TSHZ2: variants seen among roughly 807,000 people sequenced by gnomAD.
TSHZ2 encodes teashirt homolog 2.
In TSHZ2, 21 loss-of-function variants were observed where a neutral mutation model predicts 74.4. The ratio of observed to expected loss-of-function variants is 0.28; its 90% CI spans 0.20 to 0.41. TSHZ2 has a LOEUF of 0.41. Among genes scored for constraint, TSHZ2 ranks in the 10% least tolerant of loss-of-function variants. The pLI, the probability that TSHZ2 is intolerant of heterozygous loss-of-function variation, is 1.00. For missense variants in TSHZ2, 1,244 were observed against 1,293.5 expected (o/e 0.96, Z 0.59); for synonymous variants, 540 against 515.3 (o/e 1.05, Z -0.65).
chr20:53,475,192 C>A (rs1337360281), intron 2 of TSHZ2, among the ~76,000 whole-genome samples: 3 of 139,210 alleles, frequency 2.2e-5, no homozygotes, highest in Non-Finnish European at 4.6e-5. Context: ...CACCCCAAAT[C>A]AACAGAATAT....
At chr20:53,043,172 A>C (rs143291421) in intron 1 of TSHZ2, among the ~76,000 whole-genome samples, 29 of 152,378 alleles carry the variant, frequency 1.9e-4, no homozygotes, top group Non-Finnish European at 1.3e-4. Context: ...TTGTGCATAA[A>C]AAAATTGCTG....
chr20:53,107,663 C>A (rs995824999), intron 1 of TSHZ2, among the ~76,000 whole-genome samples: 1 of 152,170 alleles, frequency 6.6e-6, no homozygotes, highest in Admixed American at 6.5e-5. Context: ...AATTATAGTT[C>A]ATTCCCATGT....
At chr20:53,008,507 G>A (rs1318988447) in intron 1 of TSHZ2, among the ~76,000 whole-genome samples, 1 of 151,914 alleles carries the variant, frequency 6.6e-6, no homozygotes, top group African/African-American at 2.4e-5. Context: ...AACTTTGGGG[G>A]ATTGGATATT....
chr20:53,421,071 G>A (rs1480074608), intron 2 of TSHZ2: 1 of 152,206 alleles, frequency 6.6e-6, no homozygotes, highest in Admixed American at 6.5e-5. Context: ...GTCCCGCATT[G>A]GGTCATTCAG....
intron 2 of TSHZ2, among the ~76,000 whole-genome samples, chr20:53,411,030 T>A (rs1221677805): frequency 6.6e-6 from 1 of 152,180 alleles, no homozygotes; most frequent in East Asian, 1.9e-4. Context: ...GTTCCCTGGA[T>A]CCTGCTCCTT....
intron 1 of TSHZ2, among the ~76,000 whole-genome samples, chr20:53,191,409 T>C (rs1988734832): frequency 6.6e-6 from 1 of 152,214 alleles, no homozygotes; most frequent in Non-Finnish European, 1.5e-5. Flanking sequence ...ACGCTTGTAA[T>C]CTCAGCACTT....
chr20:53,173,315 TAATA>T (rs1280651435), intron 1 of TSHZ2, among the ~76,000 whole-genome samples: 1 of 152,124 alleles, frequency 6.6e-6, no homozygotes, highest in African/African-American at 2.4e-5. Context: ...ATTTAAATAA[TAATA>T]AAGCGGAGGC....
intron 2 of TSHZ2, among the ~76,000 whole-genome samples, chr20:53,276,374 C>T (rs1188374998): frequency 6.6e-6 from 1 of 152,084 alleles, no homozygotes; most frequent in East Asian, 1.9e-4. Context: ...TGTCTGCCAG[C>T]CAACTGGAAT....
At chr20:53,343,894 G>A (rs865828983) in intron 2 of TSHZ2, among the ~76,000 whole-genome samples, 6 of 152,134 alleles carry the variant, frequency 3.9e-5, no homozygotes, top group Non-Finnish European at 7.4e-5. Flanking sequence ...GCCTATCCCC[G>A]GCTCTAGCGG....
intron 2 of TSHZ2, among the ~76,000 whole-genome samples, chr20:53,426,782 AG>A (rs1445925832): frequency 6.6e-6 from 1 of 152,244 alleles, no homozygotes; most frequent in Non-Finnish European, 1.5e-5. Flanking sequence ...AGGAAGGTGG[AG>A]GGGAAGCTCA....
chr20:53,052,877 T>A (rs992141807), intron 1 of TSHZ2, among the ~76,000 whole-genome samples: 1 of 152,236 alleles, frequency 6.6e-6, no homozygotes, highest in Non-Finnish European at 1.5e-5. Flanking sequence ...ACAGCTCTAT[T>A]GTGATACAAT....
chr20:53,480,922 T>A (rs1027072357), intron 2 of TSHZ2, among the ~76,000 whole-genome samples: 1 of 152,224 alleles, frequency 6.6e-6, no homozygotes, highest in Admixed American at 6.5e-5. Context: ...AATAATTACA[T>A]CTCTTCGCCT....
chr20:52,979,198 C>T (rs147119965), intron 1 of TSHZ2, among the ~76,000 whole-genome samples: 115 of 151,128 alleles, frequency 7.6e-4, no homozygotes, highest in African/African-American at 2.6e-3. Flanking sequence ...TTTTTTTCCT[C>T]CTACTGACCT....
At chr20:53,224,305 CTGTT>C (rs376772895) in intron 1 of TSHZ2, among the ~76,000 whole-genome samples, 206 of 152,216 alleles carry the variant, frequency 1.4e-3, no homozygotes, top group South Asian at 0.012. Flanking sequence ...ACATGAGAGA[CTGTT>C]TGAGCAATAA....
intron 1 of TSHZ2, among the ~76,000 whole-genome samples, chr20:53,221,611 G>C (rs970811298): frequency 2.0e-5 from 3 of 152,164 alleles, no homozygotes; most frequent in Non-Finnish European, 4.4e-5. Context: ...TCTGCCTTCA[G>C]ACAACACCAA....
intron 1 of TSHZ2, among the ~76,000 whole-genome samples, chr20:53,066,742 G>A (rs1985002436): frequency 6.6e-6 from 1 of 152,160 alleles, no homozygotes; most frequent in Non-Finnish European, 1.5e-5. Flanking sequence ...TGCTGAGCTC[G>A]TGATCTGCCC....
In TSHZ2 at chr20:53,256,120, T is replaced by G. The variant is rs764991981; in HGVS notation, c.2662T>G (p.Phe888Val). 6.2e-7 allele frequency: 1 copy of G among 1,614,088 alleles called. No individual in the cohort carries two copies. Among genetic ancestry groups the G allele is most frequent in the Non-Finnish European group, 8.5e-7 (1 of 1,179,954 alleles). ...ACAAGAGCGTATGCAAATCTCTAAG[T>G]TTACGGGACTCTCAATGACCACTAT... ...GPQERMQISK[F>V]TGLSMTTISH... Residue 888 changes from phenylalanine to valine, a missense_variant, in exon 2 of 3, where the codon TTT becomes GTT. Physicochemically the swap from Phe to Val is conservative, Grantham distance 50 (BLOSUM62 -1). This residue lies in a region of TSHZ2 where 185 missense variants were observed against 213.3 expected (regional missense o/e 0.87). Transcript: ENST00000371497. The surrounding 1 kb of genome is among the most constrained non-coding windows in gnomAD (Gnocchi z 4.3).
intron 1 of TSHZ2, among the ~76,000 whole-genome samples, chr20:53,019,016 C>T (rs1983139663): frequency 6.6e-6 from 1 of 152,164 alleles, no homozygotes; most frequent in African/African-American, 2.4e-5. Flanking sequence ...GTGCTTTTCT[C>T]CTTTCAAGCT....
chr20:53,363,518 G>A (rs1428963537), intron 2 of TSHZ2, among the ~76,000 whole-genome samples: 6 of 152,238 alleles, frequency 3.9e-5, no homozygotes, highest in African/African-American at 1.4e-4. Context: ...CCTAGCTTGA[G>A]ATAAAGTCAA....
Sources: gnomAD v4.1 joint callset for allele counts (sites outside exome capture counted in the v4.1 genomes callset) on GRCh38, gnomAD v4.1.1 for gene constraint, gnomAD v4.1.1 regional missense constraint, Gnocchi (gnomAD v3.1) non-coding constraint, MANE v1.5 for transcripts, NCBI Gene and HGNC (gene_info 2026-07-23, HGNC 2026-07-21) for gene names.